DSCAM: variants seen among roughly 807,000 people sequenced by gnomAD.
DSCAM encodes DS cell adhesion molecule, also known as cell adhesion molecule DSCAM.
DSCAM carries 47 observed loss-of-function variants against 217.7 expected under a neutral mutation model. The ratio of observed to expected loss-of-function variants is 0.22; its 90% CI spans 0.17 to 0.28. The LOEUF (loss-of-function observed/expected upper bound fraction) is 0.28, where lower values mean the gene tolerates loss of function less well. Among genes scored for constraint, DSCAM ranks in the 10% least tolerant of loss-of-function variants. The pLI, the probability that DSCAM is intolerant of heterozygous loss-of-function variation, is 1.00. For synonymous variants in DSCAM, 1,056 were observed against 1,015.3 expected (o/e 1.04, Z -0.76); for missense variants, 2,080 against 2,618.3 (o/e 0.79, Z 4.49).
At chr21:40,636,631 G>A (rs1181393637) in intron 3 of DSCAM, among the ~76,000 whole-genome samples, 1 of 151,858 alleles carries the variant, frequency 6.6e-6, no homozygotes, top group Admixed American at 6.6e-5. Flanking sequence ...AGGCTCAGAG[G>A]AAGGAAATGA....
intron 11 of DSCAM, among the ~76,000 whole-genome samples, chr21:40,236,647 G>T (rs986796915): frequency 6.6e-6 from 1 of 152,146 alleles, no homozygotes; most frequent in African/African-American, 2.4e-5. Flanking sequence ...GGTCAACTGA[G>T]CCCTAGGCAT....
At chr21:40,221,032 C>G (rs1211395636) in intron 11 of DSCAM, among the ~76,000 whole-genome samples, 1 of 152,162 alleles carries the variant, frequency 6.6e-6, no homozygotes, top group Admixed American at 6.5e-5. Context: ...CTCAGAGGTG[C>G]TCAGAAACCT....
intron 1 of DSCAM, among the ~76,000 whole-genome samples, chr21:40,809,971 T>C (rs1004757649): frequency 2.6e-5 from 4 of 152,162 alleles, no homozygotes; most frequent in Non-Finnish European, 4.4e-5. Flanking sequence ...CATTGCACCA[T>C]TGCCTCCTGA....
At chr21:40,502,311 C>G (rs1420464921) in intron 3 of DSCAM, among the ~76,000 whole-genome samples, 1 of 152,038 alleles carries the variant, frequency 6.6e-6, no homozygotes, top group Non-Finnish European at 1.5e-5. Flanking sequence ...ATAAATTAAT[C>G]AAGAAGAACA....
chr21:40,390,312 C>T (rs2075122520), intron 3 of DSCAM, among the ~76,000 whole-genome samples: 1 of 152,150 alleles, frequency 6.6e-6, no homozygotes, highest in South Asian at 2.1e-4. Flanking sequence ...TAGACAGCAA[C>T]CATTTTAGAT....
intron 1 of DSCAM, among the ~76,000 whole-genome samples, chr21:40,810,684 T>C (rs1271566281): frequency 1.3e-5 from 2 of 152,196 alleles, no homozygotes; most frequent in East Asian, 3.9e-4. Flanking sequence ...GAAGATTGCT[T>C]GAGCCTGAGA....
intron 32 of DSCAM, among the ~76,000 whole-genome samples, chr21:40,018,805 T>C (rs1470771803): frequency 1.3e-5 from 2 of 152,238 alleles, no homozygotes; most frequent in African/African-American, 4.8e-5. Context: ...CAGCTCAGTG[T>C]TACATCTTTA....
chr21:40,408,660 T>C (rs184851970), intron 3 of DSCAM, among the ~76,000 whole-genome samples: 7 of 152,310 alleles, frequency 4.6e-5, no homozygotes, highest in Admixed American at 4.6e-4. Context: ...CAGTAGGCTT[T>C]GTTTTTGTCT....
intron 3 of DSCAM, among the ~76,000 whole-genome samples, chr21:40,479,980 T>C (rs1322421577): frequency 1.3e-5 from 2 of 152,336 alleles, no homozygotes; most frequent in East Asian, 3.9e-4. Context: ...GCAACATGTA[T>C]GAGATTTGTT....
chr21:40,692,686 T>C (rs2090550314), intron 3 of DSCAM, 124 bp downstream of exon 3: 10 of 1,202,350 alleles, frequency 8.3e-6, no homozygotes, highest in African/African-American at 1.5e-5. Flanking sequence ...CAAAATAGCA[T>C]CAGCCTTAAG....
At chr21:40,769,580 T>TA (rs1473132990) in intron 1 of DSCAM, among the ~76,000 whole-genome samples, 1 of 152,232 alleles carries the variant, frequency 6.6e-6, no homozygotes, top group Non-Finnish European at 1.5e-5. Flanking sequence ...GTGGATCTCA[T>TA]AGCATCTGCC....
At chr21:40,142,428 G>A in intron 18 of DSCAM, 130 bp downstream of exon 18, 1 of 983,646 alleles carries the variant, frequency 1.0e-6, no homozygotes, top group South Asian at 2.1e-5. Context: ...TGACAGAAAA[G>A]GGGAAAGTGT....
At chr21:40,430,123 C>T (rs953612734) in intron 3 of DSCAM, among the ~76,000 whole-genome samples, 2 of 152,214 alleles carry the variant, frequency 1.3e-5, no homozygotes, top group African/African-American at 2.4e-5. Flanking sequence ...CAGCACTCTG[C>T]ACATTGCATT....
At chr21:40,104,589 G>T (rs1215299553) in intron 20 of DSCAM, among the ~76,000 whole-genome samples, 1 of 152,140 alleles carries the variant, frequency 6.6e-6, no homozygotes, top group African/African-American at 2.4e-5. Context: ...GGTTTTCAGG[G>T]CAGTGAAACT....
intron 20 of DSCAM, among the ~76,000 whole-genome samples, chr21:40,100,584 CCAGATTTCG>C: frequency 6.6e-6 from 1 of 151,684 alleles, no homozygotes; most frequent in African/African-American, 2.4e-5. Context: ...ACTTTGATTT[CCAGATTTCG>C]CCTGATATAT....
intron 11 of DSCAM, among the ~76,000 whole-genome samples, chr21:40,202,831 T>C (rs2091084674): frequency 1.3e-5 from 2 of 152,364 alleles, no homozygotes; most frequent in South Asian, 2.1e-4. Flanking sequence ...TTGGCTTGCA[T>C]GTGATGCCCA....
intron 27 of DSCAM, among the ~76,000 whole-genome samples, chr21:40,065,105 G>C (rs1035469677): frequency 2.0e-5 from 3 of 152,118 alleles, no homozygotes; most frequent in Non-Finnish European, 4.4e-5. Context: ...GTCCTACCAG[G>C]TGTACAGTGG....
chr21:40,765,909 C>G lies in DSCAM; in HGVS notation c.44-57138G>C, dbSNP rs773598858. Among the ~76,000 whole-genome samples the G allele has an allele frequency of 5.4e-4, 82 of 152,270 alleles. 2 individuals are homozygous for G. Among genetic ancestry groups the G allele is most frequent in the East Asian group, 1.9e-4 (1 of 5,176 alleles). On this transcript the variant is annotated intron_variant, in intron 1 of 32. Transcript: ENST00000400454. ...ATGTGGCTGGTCAGCTGCAGGAGAACGAGGAGCTGACCTCCGCCCTGTGCT... is the reference window on the plus strand; with the variant it reads ...ATGTGGCTGGTCAGCTGCAGGAGAAGGAGGAGCTGACCTCCGCCCTGTGCT...
At chr21:40,174,531 C>T (rs1380121524) in intron 15 of DSCAM, among the ~76,000 whole-genome samples, 4 of 143,174 alleles carry the variant, frequency 2.8e-5, no homozygotes, top group African/African-American at 7.7e-5. Flanking sequence ...CCATGTTATT[C>T]TTTTTTTTTT....
Sources: allele counts gnomAD v4.1 joint callset (sites outside exome capture counted in the v4.1 genomes callset), GRCh38; gene constraint gnomAD v4.1.1; transcripts MANE v1.5; gene names NCBI Gene and HGNC (gene_info 2026-07-23, HGNC 2026-07-21).